UGT1A8: variants seen among roughly 807,000 people sequenced by gnomAD.
The protein encoded by UGT1A8 is UDP-glucuronosyltransferase 1A8.
UGT1A8 carries 39 observed loss-of-function variants against 45.3 expected under a neutral mutation model. The ratio of observed to expected loss-of-function variants is 0.86; its 90% CI spans 0.67 to 1.12. The LOEUF (loss-of-function observed/expected upper bound fraction) is 1.12. Ranked by LOEUF, UGT1A8 falls within the 50% of genes most tolerant of loss-of-function variation. The probability of loss-of-function intolerance (pLI) is 0.00; values close to 1 mark genes in which losing one functional copy is unlikely to be tolerated. For synonymous variants in UGT1A8, 275 were observed against 249.2 expected, an observed-to-expected ratio of 1.10 and a Z score of -0.97; for missense variants, 719 against 664.9, an observed-to-expected ratio of 1.08 and a Z score of -0.90.
At chr2:233,693,369 A>G (rs2075149103) in intron 1 of UGT1A8, 2 of 1,614,190 alleles carry the variant, frequency 1.2e-6, no homozygotes, top group Non-Finnish European at 1.7e-6. Context: ...ATTGGCCTGT[A>G]CTTCATCAAC....
chr2:233,743,918 C>T, intron 1 of UGT1A8: 1 of 1,363,786 alleles, frequency 7.3e-7, no homozygotes, highest in East Asian at 4.6e-5. Context: ...GTCCACCATG[C>T]TGGATGGCCA....
chr2:233,660,871 G>T (rs1318211598), intron 1 of UGT1A8, among the ~76,000 whole-genome samples: 2 of 152,076 alleles, frequency 1.3e-5, no homozygotes, highest in Non-Finnish European at 2.9e-5. Context: ...GGCAGAAGTT[G>T]CTTCTGTTAT....
In UGT1A8 at chr2:233,745,331, C is replaced by A. The variant is rs932563797; in HGVS notation, c.856-21703C>A. Among the ~76,000 whole-genome samples, 35 of 151,966 alleles carry A rather than the reference C, an allele frequency of 2.3e-4. 1 individual carries two copies. The highest frequency in any genetic ancestry group is 8.2e-4 in the African/African-American group (34 of 41,248). ...ATTATTTCCACTAGAACTGCTATAT[C>A]ATGACCATGAATTTTGGGGGAATTT... is the stretch of plus-strand genomic sequence containing the variant. On this transcript the variant is annotated intron_variant, in intron 1 of 4. Transcript: ENST00000373450.
At chr2:233,687,146 A>G (rs550767147) in intron 1 of UGT1A8, among the ~76,000 whole-genome samples, 1 of 152,336 alleles carries the variant, frequency 6.6e-6, no homozygotes, top group East Asian at 1.9e-4. Context: ...AAATATGATA[A>G]TACATGCAGA....
In UGT1A8 at chr2:233,760,894, CACATGACCTTCCTGCAGCGGGTGA is replaced by C. The variant is rs1553620849; in HGVS notation, c.856-6138_856-6115del. ...CAGGCCTCTCTCCTCTCATTCAGAT[CACATGACCTTCCTGCAGCGGGTGA>C]AGAACATGCTCATTGCCTTTTCACA... On this transcript the variant is annotated intron_variant, in intron 1 of 4. Coordinates refer to ENST00000373450, the MANE Select transcript of UGT1A8 (RefSeq NM_019076.5). The C allele has an allele frequency of 3.1e-6, 5 of 1,614,174 alleles. No homozygotes were observed. The highest frequency in any genetic ancestry group is 1.7e-5 in the Admixed American group (1 of 60,026).
At chr2:233,656,756 G>T (rs1221561443) in intron 1 of UGT1A8, among the ~76,000 whole-genome samples, 2 of 152,120 alleles carry the variant, frequency 1.3e-5, no homozygotes, top group Non-Finnish European at 2.9e-5. Flanking sequence ...ACTCAGTTTT[G>T]AAGGTTTCTT....
rs186385577 is a variant in UGT1A8 at position 233,726,826 on chromosome 2, T to C, written c.856-40208T>C. ...TGGAGGTTTTCCTCTATTCGACCAT[T>C]TAAATTTAATTTTTGTTCCTTTTCT... On this transcript the variant is annotated intron_variant, in intron 1 of 4. Transcript: ENST00000373450. 4.6e-3 allele frequency among the ~76,000 whole-genome samples: 697 copies of C among 152,318 alleles called. 10 individuals carry two copies. Among genetic ancestry groups the C allele is most frequent in the Middle Eastern group, 0.031 (9 of 294 alleles).
intron 1 of UGT1A8, among the ~76,000 whole-genome samples, chr2:233,619,531 T>G (rs1328270749): frequency 6.6e-6 from 1 of 152,220 alleles, no homozygotes; most frequent in Admixed American, 6.5e-5. Context: ...TATATCTTCC[T>G]GTTCAGGAAT....
At chr2:233,629,394 A>G (rs2073147702) in intron 1 of UGT1A8, among the ~76,000 whole-genome samples, 1 of 152,112 alleles carries the variant, frequency 6.6e-6, no homozygotes, top group Non-Finnish European at 1.5e-5. Context: ...TTATGCTGCT[A>G]TGAACATGGT....
intron 1 of UGT1A8, among the ~76,000 whole-genome samples, chr2:233,670,251 G>A (rs1307037239): frequency 6.6e-6 from 1 of 152,234 alleles, no homozygotes; most frequent in Non-Finnish European, 1.5e-5. Flanking sequence ...GGCTGAGAAG[G>A]AGGAAGAGGT....
intron 1 of UGT1A8, among the ~76,000 whole-genome samples, chr2:233,647,115 C>G (rs576168360): frequency 6.6e-6 from 1 of 152,132 alleles, no homozygotes; most frequent in African/African-American, 2.4e-5. Flanking sequence ...TTTAAAACCA[C>G]CAGATCTCGT....
chr2:233,716,529 A>T (rs1261815071), intron 1 of UGT1A8, among the ~76,000 whole-genome samples: 1 of 152,154 alleles, frequency 6.6e-6, no homozygotes, highest in Non-Finnish European at 1.5e-5. Flanking sequence ...CCATTCAATT[A>T]TCTCCTTTCT....
intron 1 of UGT1A8, among the ~76,000 whole-genome samples, chr2:233,694,204 C>A (rs2075204763): frequency 6.6e-6 from 1 of 152,134 alleles, no homozygotes; most frequent in Non-Finnish European, 1.5e-5. Flanking sequence ...AGGTTAAAAT[C>A]CATTTTCCCA....
intron 1 of UGT1A8, among the ~76,000 whole-genome samples, chr2:233,714,159 T>G (rs1363144328): frequency 6.6e-6 from 1 of 152,178 alleles, no homozygotes; most frequent in Non-Finnish European, 1.5e-5. Flanking sequence ...TGGCTGTGGA[T>G]GTGCTTCAGC....
intron 1 of UGT1A8, chr2:233,748,023 C>T: frequency 6.2e-7 from 1 of 1,613,520 alleles, no homozygotes; most frequent in Non-Finnish European, 8.5e-7. Context: ...GCCGATCATG[C>T]CCAACATGGT....
At chr2:233,627,041 A>C (rs904184686) in intron 1 of UGT1A8, among the ~76,000 whole-genome samples, 1 of 152,054 alleles carries the variant, frequency 6.6e-6, no homozygotes, top group Non-Finnish European at 1.5e-5. Context: ...GCAGTTCTAC[A>C]CATGAGGTCA....
intron 1 of UGT1A8, chr2:233,671,790 A>G: frequency 7.1e-7 from 1 of 1,414,712 alleles, no homozygotes; most frequent in Non-Finnish European, 9.2e-7. Context: ...TTTTGGGTAA[A>G]TCATTGTCAG....
intron 1 of UGT1A8, among the ~76,000 whole-genome samples, chr2:233,738,130 C>T (rs1187217692): frequency 6.6e-6 from 1 of 152,186 alleles, no homozygotes; most frequent in Admixed American, 6.5e-5. Flanking sequence ...ATAAGGGGCC[C>T]TTATCCCTTC....
rs71398794 is a variant in UGT1A8, at chr2:233,687,583, TAA to T, written c.855+69044_855+69045del. ...AGAATTCAAGACCATACATTCTTTG[TAA>T]AAAAAAAAAAAAAAAAAAAAAAGGA... On this transcript the variant is annotated intron_variant, in intron 1 of 4. Coordinates refer to ENST00000373450, the MANE Select transcript of UGT1A8 (RefSeq NM_019076.5). Among the ~76,000 whole-genome samples, 1,070 of 107,386 alleles carry T rather than the reference TAA, an allele frequency of 1.0e-2. 22 individuals are homozygous for T. The highest frequency in any genetic ancestry group is 0.033 in the African/African-American group (983 of 29,662). 70.4% of individuals were successfully genotyped at this position (107,386 alleles called of 152,430 possible).
Sources: allele counts gnomAD v4.1 joint callset (sites outside exome capture counted in the v4.1 genomes callset), GRCh38; gene constraint gnomAD v4.1.1; transcripts MANE v1.5; gene names NCBI Gene and HGNC (gene_info 2026-07-23, HGNC 2026-07-21).